SPNS2: variants seen among roughly 807,000 people sequenced by gnomAD.
SPNS2 encodes SPNS lysolipid transporter 2, sphingosine-1-phosphate, also known as sphingosine-1-phosphate transporter SPNS2.
SPNS2 carries 37 observed loss-of-function variants against 57.6 expected under a neutral mutation model. The ratio of observed to expected loss-of-function variants is 0.64; its 90% CI spans 0.49 to 0.85. SPNS2 has a LOEUF of 0.85. SPNS2 is among the 40% of genes least tolerant of loss of function. SPNS2 has a pLI of 0.00. For synonymous variants in SPNS2, 440 were observed against 346.9 expected (o/e 1.27, Z -2.98); for missense variants, 831 against 779.1 (o/e 1.07, Z -0.79).
chr17:4,522,646 C>G (rs938751888), intron 2 of SPNS2, among the ~76,000 whole-genome samples: 3 of 152,262 alleles, frequency 2.0e-5, no homozygotes, highest in Non-Finnish European at 4.4e-5. Flanking sequence ...GCAGCCGGGA[C>G]CACGCACACA....
At position 4,532,647 on chromosome 17, in the gene SPNS2, A is replaced by G. The variant is rs370988800; in HGVS notation, c.898A>G (p.Thr300Ala). ...DQLGDQLKAR[T>A]SWLRDMKALI... Reference sequence around the variant, plus strand: ...GCTCGGGGACCAGCTCAAGGCCCGGACCTCATGGCTCCGAGATATGAAGGC... The same window carrying G: ...GCTCGGGGACCAGCTCAAGGCCCGGGCCTCATGGCTCCGAGATATGAAGGC... Residue 300 changes from threonine to alanine, a missense_variant, in exon 6 of 13, where the codon ACC (threonine) becomes GCC (alanine). By Grantham distance (58) the Thr-to-Ala change is moderately conservative. Around this residue, in one of 2 missense-constraint regions of SPNS2, gnomAD observed 526 missense variants for 400.9 expected, o/e 1.31. Transcript: ENST00000329078. 6 of 1,613,730 alleles carry G rather than the reference A, an allele frequency of 3.7e-6. No homozygotes were observed. In the Admixed American group the frequency reaches 8.3e-5, roughly 22 times the overall value.
intron 3 of SPNS2, among the ~76,000 whole-genome samples, chr17:4,528,601 C>T (rs190726058): frequency 1.1e-3 from 167 of 152,188 alleles, no homozygotes; most frequent in African/African-American, 3.6e-3. Flanking sequence ...CTCAGCCTCC[C>T]GCGTAGCTGC....
rs534870618 is a variant in SPNS2 at position 4,515,250 on chromosome 17, T to C, written c.436+1938T>C. ...AGGTGGACAAAGCACACACAGGCAT[T>C]GTCTTGTTTCATTCTTCCAGTAACC... On this transcript the variant is annotated intron_variant, in intron 2 of 12. Transcript: ENST00000329078. Among the ~76,000 whole-genome samples, 11 of 152,158 alleles carry C rather than the reference T, an allele frequency of 7.2e-5. 1 individual carries two copies. In the South Asian group the frequency reaches 1.4e-3, roughly 20 times the overall value.
intron 2 of SPNS2, 51 bp from the exon 3 acceptor site, chr17:4,525,006 G>T (rs532773186): frequency 6.3e-7 from 1 of 1,596,400 alleles, no homozygotes; most frequent in African/African-American, 1.3e-5. Context: ...TGGGCCGGGA[G>T]GCCGGGGCGC....
intron 2 of SPNS2, among the ~76,000 whole-genome samples, chr17:4,516,442 G>A (rs919857895): frequency 6.6e-6 from 1 of 152,126 alleles, no homozygotes; most frequent in African/African-American, 2.4e-5. Context: ...TGCCTGGCAG[G>A]CCGTGTGCTG....
At position 4,499,248 on chromosome 17, in the gene SPNS2, C is replaced by G. The variant is rs986704957; in HGVS notation, c.201C>G (p.Ala67=). 2.0e-6 allele frequency: 3 copies of G among 1,470,432 alleles called. No homozygotes were observed. The highest frequency in any genetic ancestry group is 2.7e-6 in the Non-Finnish European group (3 of 1,118,224). 91.1% of individuals were successfully genotyped at this position (1,470,432 alleles called of 1,614,324 possible). The change falls in exon 1 of 13, where the codon GCC becomes GCG. Residue 67 remains alanine (A), a synonymous_variant. Transcript: ENST00000329078. The surrounding 1 kb of genome is among the most constrained non-coding windows in gnomAD (Gnocchi z 5.2). ...VQTLSGSVRR[A]PTGPPGTPGT... ...CGCTGTCGGGCAGCGTAAGGCGGGC[C>G]CCGACCGGACCCCCCGGCACCCCCG...
At chr17:4,531,970 G>A (rs559678188) in intron 5 of SPNS2, among the ~76,000 whole-genome samples, 19 of 152,178 alleles carry the variant, frequency 1.2e-4, no homozygotes, top group African/African-American at 3.1e-4. Flanking sequence ...TCAGTCCAGC[G>A]CTTCATACCC....
intron 2 of SPNS2, 125 bp from the exon 3 acceptor site, chr17:4,524,932 C>T: frequency 1.4e-6 from 2 of 1,405,422 alleles, no homozygotes; most frequent in South Asian, 1.4e-5. Flanking sequence ...GCCGAGGTTT[C>T]CTCTCTGGGC....
rs1261130841 is a variant in SPNS2, at chr17:4,533,306, C to T, written c.1152C>T (p.Ala384=). ...GFLGVVTGAG[A]TRWCRLKTQR... is the part of the protein sequence containing the mutation. ...TGGGCGTGGTCACGGGGGCAGGAGCCACGCGCTGGTGCCGCCTGAAGACCC... is the reference window on the plus strand; with the variant it reads ...TGGGCGTGGTCACGGGGGCAGGAGCTACGCGCTGGTGCCGCCTGAAGACCC... The change falls in exon 8 of 13, where the codon GCC becomes GCT. Residue 384 remains alanine (A), a synonymous_variant. Transcript: ENST00000329078. 2 of 1,611,756 alleles carry T rather than the reference C, an allele frequency of 1.2e-6. No individual in the cohort carries two copies. The highest frequency in any genetic ancestry group is 2.2e-5 in the East Asian group (1 of 44,852).
Position 4,531,070 on chromosome 17 carries a change from C to T in SPNS2, c.743C>T (p.Thr248Ile). The T allele has an allele frequency of 1.2e-6, 2 of 1,614,104 alleles. No homozygotes were observed. Among genetic ancestry groups the T allele is most frequent in the Non-Finnish European group, 1.7e-6 (2 of 1,179,988 alleles). Reference sequence around the variant, plus strand: ...CTCTGCAGTGGCCTGGGCTACATTACTGGCTCCAGCGTGAAGCAGGCAGCC... The same window carrying T: ...CTCTGCAGTGGCCTGGGCTACATTATTGGCTCCAGCGTGAAGCAGGCAGCC... Reference protein sequence around the residue: ...IPLGSGLGYITGSSVKQAAGD... With the variant: ...IPLGSGLGYIIGSSVKQAAGD... The change falls in exon 5 of 13, where the codon ACT becomes ATT. Residue 248 changes from threonine (T) to isoleucine (I), a missense_variant. By Grantham distance (89) the Thr-to-Ile change is moderately conservative. This residue lies in a region of SPNS2 where 305 missense variants were observed against 378.3 expected (regional missense o/e 0.81). Coordinates refer to ENST00000329078, the MANE Select transcript of SPNS2 (RefSeq NM_001124758.3).
intron 2 of SPNS2, among the ~76,000 whole-genome samples, chr17:4,516,835 T>G (rs1905008810): frequency 6.6e-6 from 1 of 151,910 alleles, no homozygotes; most frequent in African/African-American, 2.4e-5. Flanking sequence ...AAAACCGGAG[T>G]GGGAGCTAGA....
chr17:4,507,592 C>A (rs1319364946), intron 1 of SPNS2, among the ~76,000 whole-genome samples: 1 of 152,200 alleles, frequency 6.6e-6, no homozygotes, highest in Non-Finnish European at 1.5e-5. Context: ...TATGTTATTT[C>A]CCCAAGGTCA....
At position 4,538,935 on chromosome 17, in the gene SPNS2, C is replaced by T. The variant is rs1368227387; in HGVS notation, c.*1487C>T. 1.3e-6 allele frequency: 1 copy of T among 783,314 alleles called. No homozygotes were observed. Among genetic ancestry groups the T allele is most frequent in the South Asian group, 1.3e-5 (1 of 74,656 alleles). The allele number at this position is 783,314 out of a possible 1,614,324, so 48.5% of individuals were successfully genotyped here. ...CCTCTTCCTTCCGGAAGCCAAACTG[C>T]TCCTTTATTTTTTAGAGCTGCTGAT... is the stretch of plus-strand genomic sequence containing the variant. On this transcript the variant is annotated 3_prime_UTR_variant, in exon 13 of 13. Transcript: ENST00000329078.
intron 1 of SPNS2, among the ~76,000 whole-genome samples, chr17:4,503,917 C>T (rs1468711672): frequency 6.6e-6 from 1 of 152,010 alleles, no homozygotes; most frequent in African/African-American, 2.4e-5. Flanking sequence ...TTGGGGGCTT[C>T]CCCAGAGCAG....
intron 5 of SPNS2, 127 bp from the exon 6 acceptor site, chr17:4,532,414 TG>T: frequency 1.4e-6 from 2 of 1,392,968 alleles, no homozygotes; most frequent in Non-Finnish European, 2.0e-6. Flanking sequence ...TTAGGAAGGC[TG>T]GGCAGATACC....
At chr17:4,532,926 G>T (rs145914749) in intron 6 of SPNS2, 51 bp from the exon 7 acceptor site, 44 of 1,575,144 alleles carry the variant, frequency 2.8e-5, no homozygotes, top group Non-Finnish European at 3.7e-5. Flanking sequence ...GGCTGCCTAG[G>T]GGGGTGAAGG....
chr17:4,532,146 C>T (rs1483854502), intron 5 of SPNS2, among the ~76,000 whole-genome samples: 1 of 136,866 alleles, frequency 7.3e-6, no homozygotes, highest in Non-Finnish European at 1.6e-5. Flanking sequence ...GTTCATCCAT[C>T]TGTCCATCCG....
chr17:4,500,526 G>T (rs1354382589), intron 1 of SPNS2, among the ~76,000 whole-genome samples: 1 of 152,082 alleles, frequency 6.6e-6, no homozygotes, highest in Non-Finnish European at 1.5e-5. Context: ...TGTGTGCCTG[G>T]CATGCTGGCC....
chr17:4,516,338 A>AC (rs1904992040), intron 2 of SPNS2, among the ~76,000 whole-genome samples: 1 of 124,284 alleles, frequency 8.0e-6, no homozygotes, highest in African/African-American at 3.4e-5. Flanking sequence ...AAAAAAAAAA[A>AC]AAAAACAAAA....
Sources: allele counts gnomAD v4.1 joint callset (sites outside exome capture counted in the v4.1 genomes callset), GRCh38; gene constraint gnomAD v4.1.1; regional missense constraint gnomAD v4.1.1; non-coding constraint Gnocchi (gnomAD v3.1); transcripts MANE v1.5; gene names NCBI Gene and HGNC (gene_info 2026-07-23, HGNC 2026-07-21).